Variants in OPCML observed in about 807,000 individuals in gnomAD.
OPCML encodes the protein opioid binding protein/cell adhesion molecule like, also known as opioid-binding protein/cell adhesion molecule.
Under a neutral mutation model 37.8 loss-of-function variants are expected in OPCML, and 13 were observed. The observed-to-expected ratio is 0.34, with a 90% CI of 0.22 to 0.55. The LOEUF is 0.55. OPCML is among the 20% of genes least tolerant of loss of function. The pLI, the probability that OPCML is intolerant of heterozygous loss-of-function variation, is 0.91. For missense variants in OPCML, 341 were observed against 435.6 expected (o/e 0.78, Z 1.93); for synonymous variants, 176 against 168.8 (o/e 1.04, Z -0.33).
At chr11:132,563,427 C>G (rs924956788) in intron 3 of OPCML, among the ~76,000 whole-genome samples, 5 of 151,928 alleles carry the variant, frequency 3.3e-5, no homozygotes, top group African/African-American at 1.2e-4. Context: ...GGGTTTGTTG[C>G]TGTTGACTCT....
intron 1 of OPCML, among the ~76,000 whole-genome samples, chr11:133,042,928 G>A (rs1947934071): frequency 1.3e-5 from 2 of 152,098 alleles, no homozygotes; most frequent in South Asian, 4.1e-4. Flanking sequence ...AAAATTAGGG[G>A]ACGAGATTAG....
intron 1 of OPCML, among the ~76,000 whole-genome samples, chr11:133,436,333 A>G (rs576385231): frequency 1.2e-3 from 178 of 152,316 alleles, no homozygotes; most frequent in Non-Finnish European, 2.1e-3. Context: ...AAAATGAAAG[A>G]TGGAATATAG....
At chr11:132,478,797 G>T (rs2096166734) in intron 4 of OPCML, among the ~76,000 whole-genome samples, 1 of 152,138 alleles carries the variant, frequency 6.6e-6, no homozygotes. Context: ...ATTACCCATG[G>T]TTGCTTCAAG....
At chr11:132,504,649 A>G (rs1370605482) in intron 4 of OPCML, among the ~76,000 whole-genome samples, 1 of 151,216 alleles carries the variant, frequency 6.6e-6, no homozygotes, top group Non-Finnish European at 1.5e-5. Flanking sequence ...GGAGTTTCTC[A>G]CCACAAGAAC....
At chr11:132,498,910 A>T (rs1285127857) in intron 4 of OPCML, among the ~76,000 whole-genome samples, 3 of 152,200 alleles carry the variant, frequency 2.0e-5, no homozygotes, top group Admixed American at 6.5e-5. Context: ...TCTCAAAAAA[A>T]ATGAAAGCCA....
At chr11:133,039,772 G>A (rs1333354061) in intron 1 of OPCML, among the ~76,000 whole-genome samples, 2 of 152,116 alleles carry the variant, frequency 1.3e-5, no homozygotes, top group East Asian at 3.9e-4. Context: ...GTGAAAGATT[G>A]GGGGAGGACA....
intron 1 of OPCML, among the ~76,000 whole-genome samples, chr11:132,944,179 A>T (rs950150064): frequency 6.9e-6 from 1 of 145,320 alleles, no homozygotes; most frequent in African/African-American, 2.5e-5. Context: ...GGCTTCCCCT[A>T]CAGAGGGGCG....
intron 1 of OPCML, among the ~76,000 whole-genome samples, chr11:133,408,343 T>C (rs1278546773): frequency 6.6e-6 from 1 of 152,234 alleles, no homozygotes; most frequent in Non-Finnish European, 1.5e-5. Context: ...TAAACGTTTC[T>C]GCAGTGAAAA....
intron 1 of OPCML, among the ~76,000 whole-genome samples, chr11:133,055,199 G>A (rs1308419964): frequency 2.2e-5 from 3 of 135,218 alleles, no homozygotes; most frequent in African/African-American, 2.9e-5. Context: ...ACTTCCAAGT[G>A]GTGAGACTCC....
intron 1 of OPCML, among the ~76,000 whole-genome samples, chr11:133,523,719 T>C (rs542959470): frequency 3.7e-4 from 56 of 152,312 alleles, no homozygotes; most frequent in Admixed American, 1.0e-3. Flanking sequence ...TGGCCCATGC[T>C]TTCTTCCTCT....
intron 1 of OPCML, among the ~76,000 whole-genome samples, chr11:133,501,796 A>G (rs1947921397): frequency 6.6e-6 from 1 of 151,894 alleles, no homozygotes; most frequent in South Asian, 2.1e-4. Context: ...CCTCCTCCAC[A>G]GGGCACTCCA....
chr11:132,845,491 G>T (rs1324533502), intron 2 of OPCML, among the ~76,000 whole-genome samples: 2 of 152,200 alleles, frequency 1.3e-5, no homozygotes, highest in Non-Finnish European at 2.9e-5. Flanking sequence ...ATCTCTGATA[G>T]TGTCACTACA....
chr11:133,172,059 T>G (rs1424110877), intron 1 of OPCML, among the ~76,000 whole-genome samples: 1 of 152,206 alleles, frequency 6.6e-6, no homozygotes, highest in Non-Finnish European at 1.5e-5. Context: ...TGCAGATGCT[T>G]TGAACTCAAC....
chr11:133,238,731 G>T (rs1325303428), intron 1 of OPCML, among the ~76,000 whole-genome samples: 6 of 152,042 alleles, frequency 3.9e-5, no homozygotes, highest in Admixed American at 2.6e-4. Context: ...TTTAAGCCCA[G>T]ACTCTCATCA....
At chr11:132,578,107 T>G (rs1235497681) in intron 3 of OPCML, among the ~76,000 whole-genome samples, 1 of 152,220 alleles carries the variant, frequency 6.6e-6, no homozygotes, top group East Asian at 1.9e-4. Flanking sequence ...AAGTTATGTA[T>G]GCATGAATGC....
intron 1 of OPCML, among the ~76,000 whole-genome samples, chr11:133,514,429 T>C (rs1187183826): frequency 6.6e-6 from 1 of 152,210 alleles, no homozygotes; most frequent in African/African-American, 2.4e-5. Context: ...GCCAGCTCCA[T>C]GTCAGCTTCC....
chr11:133,234,986 G>A (rs573082439), intron 1 of OPCML, among the ~76,000 whole-genome samples: 110 of 152,180 alleles, frequency 7.2e-4, no homozygotes, highest in South Asian at 7.1e-3. Context: ...CCCTAATGCC[G>A]TATTAACTGC....
Position 133,114,313 on chromosome 11 carries a change from C to T in OPCML, c.62-171303G>A, listed in dbSNP as rs115599073. 3.1e-3 allele frequency among the ~76,000 whole-genome samples: 477 copies of T among 152,304 alleles called. 2 individuals carry two copies. The highest frequency in any genetic ancestry group is 0.01 in the African/African-American group (431 of 41,570). ...AGTCAGTGCCAATGTGTCATCTTCC[C>T]AGTTGTTCTGGCCAAACTTTTGGGG... On this transcript the variant is annotated intron_variant, in intron 1 of 7. Coordinates refer to ENST00000524381, the MANE Select transcript of OPCML (RefSeq NM_001012393.5).
chr11:133,402,314 G>A (rs1945422543), intron 1 of OPCML, among the ~76,000 whole-genome samples: 1 of 152,076 alleles, frequency 6.6e-6, no homozygotes, highest in Admixed American at 6.5e-5. Context: ...CATTCATGAA[G>A]GCAGGGCCAT....
Sources: gnomAD v4.1 joint callset for allele counts (sites outside exome capture counted in the v4.1 genomes callset) on GRCh38, gnomAD v4.1.1 for gene constraint, MANE v1.5 for transcripts, NCBI Gene and HGNC (gene_info 2026-07-23, HGNC 2026-07-21) for gene names.